Variants in DSCAM observed in about 807,000 individuals in gnomAD.
DSCAM encodes the protein cell adhesion molecule DSCAM.
A neutral mutation model predicts 217.7 loss-of-function variants in DSCAM; 47 were observed. The ratio of observed to expected loss-of-function variants is 0.22; its 90% CI spans 0.17 to 0.28. DSCAM has a LOEUF of 0.28. Among genes scored for constraint, DSCAM ranks in the 10% least tolerant of loss-of-function variants. DSCAM has a pLI of 1.00. For synonymous variants in DSCAM, 1,056 were observed against 1,015.3 expected (o/e 1.04, Z -0.76); for missense variants, 2,080 against 2,618.3 (o/e 0.79, Z 4.49).
intron 8 of DSCAM, among the ~76,000 whole-genome samples, chr21:40,337,150 A>G (rs1362705550): frequency 6.6e-6 from 1 of 152,156 alleles, no homozygotes; most frequent in Non-Finnish European, 1.5e-5. Flanking sequence ...TAAAACTCAC[A>G]GGGTTGGTGG....
rs55662580 is a variant in DSCAM at position 40,028,162 on chromosome 21, A to C, written c.5686+14209T>G. On this transcript the variant is annotated intron_variant, in intron 32 of 32. Coordinates refer to ENST00000400454, the MANE Select transcript of DSCAM (RefSeq NM_001389.5). ...CTGCCCCTGCTGGGGGGTGCCTCCC[A>C]GTTAGGCTGCTCGGGGGTCCGGGGT... is the stretch of plus-strand genomic sequence containing the variant. 4.4e-3 allele frequency among the ~76,000 whole-genome samples: 416 copies of C among 94,822 alleles called. 5 individuals are homozygous for C. Among genetic ancestry groups the C allele is most frequent in the Admixed American group, 0.013 (101 of 8,074 alleles). 62.2% of individuals were successfully genotyped at this position (94,822 alleles called of 152,430 possible).
chr21:40,713,969 C>T (rs2090812009), intron 1 of DSCAM, among the ~76,000 whole-genome samples: 1 of 152,178 alleles, frequency 6.6e-6, no homozygotes. Flanking sequence ...AGCCATGGCT[C>T]AAGTGGTCCC....
chr21:40,420,942 G>A (rs957945641), intron 3 of DSCAM, among the ~76,000 whole-genome samples: 4 of 152,084 alleles, frequency 2.6e-5, no homozygotes, highest in Admixed American at 6.6e-5. Context: ...CATTTCTTTC[G>A]CTGTAAGCCA....
At chr21:40,760,651 C>T (rs927001715) in intron 1 of DSCAM, among the ~76,000 whole-genome samples, 3 of 152,218 alleles carry the variant, frequency 2.0e-5, no homozygotes, top group African/African-American at 7.2e-5. Context: ...TGGCATTTTG[C>T]CACCCAGGTA....
chr21:40,013,384 C>G lies in DSCAM; in HGVS notation c.5689G>C (p.Asp1897His). ...MAVPKAHRPG[D>H]LIHLPPYLRM... ...AGGTATGGAGGCAAATGTATGAGGT[C>G]ACCTAGAAGGAAAGACAGGGTAGTT... Residue 1897 changes from aspartate (D) to histidine (H), a missense_variant and splice_region_variant, in exon 33 of 33, where the codon GAC becomes CAC. By Grantham distance (81) the Asp-to-His change is moderately conservative. Around this residue, in one of 5 missense-constraint regions of DSCAM, gnomAD observed 145 missense variants for 138.5 expected, o/e 1.05. Transcript: ENST00000400454. The G allele has an allele frequency of 6.5e-7, 1 of 1,541,550 alleles. No homozygotes were observed. The highest frequency in any genetic ancestry group is 8.7e-7 in the Non-Finnish European group (1 of 1,144,830).
chr21:40,394,107 T>C (rs1182866154), intron 3 of DSCAM, among the ~76,000 whole-genome samples: 1 of 152,212 alleles, frequency 6.6e-6, no homozygotes, highest in African/African-American at 2.4e-5. Flanking sequence ...TCAAGGCAGT[T>C]GTTGGGTGGT....
At chr21:40,425,814 TAC>T (rs1036247847) in intron 3 of DSCAM, among the ~76,000 whole-genome samples, 6 of 152,030 alleles carry the variant, frequency 3.9e-5, no homozygotes, top group Admixed American at 2.6e-4. Flanking sequence ...AGCATGTATA[TAC>T]ACACACACAT....
At position 40,688,294 on chromosome 21, in the gene DSCAM, G is replaced by A. The variant is rs79683100; in HGVS notation, c.508+4516C>T. On this transcript the variant is annotated intron_variant, in intron 3 of 32. Coordinates refer to ENST00000400454, the MANE Select transcript of DSCAM (RefSeq NM_001389.5). ...CAATTTTATCAGAAGAAACAGAAAC[G>A]GAAGGCTGGGCTCTCTTACTGCTGG... is the stretch of plus-strand genomic sequence containing the variant. Among the ~76,000 whole-genome samples the A allele has an allele frequency of 8.8e-3, 1,342 of 152,234 alleles. 20 individuals are homozygous for A. Among genetic ancestry groups the A allele is most frequent in the African/African-American group, 0.029 (1,184 of 41,522 alleles).
At chr21:40,293,813 A>G (rs2123440281) in intron 10 of DSCAM, among the ~76,000 whole-genome samples, 1 of 152,260 alleles carries the variant, frequency 6.6e-6, no homozygotes, top group South Asian at 2.1e-4. Flanking sequence ...CGACAGAGCA[A>G]GACTCTGTCT....
intron 32 of DSCAM, among the ~76,000 whole-genome samples, chr21:40,021,205 CAAAAAAAAA>C (rs763435750): frequency 1.2e-5 from 1 of 85,082 alleles, no homozygotes; most frequent in African/African-American, 4.7e-5. Flanking sequence ...GACTCCGTCT[CAAAAAAAAA>C]AAAAAAAAAA....
At chr21:40,727,449 G>A (rs2090968061) in intron 1 of DSCAM, among the ~76,000 whole-genome samples, 1 of 152,168 alleles carries the variant, frequency 6.6e-6, no homozygotes, top group African/African-American at 2.4e-5. Flanking sequence ...TAAAATATGA[G>A]AGTTTTAATC....
intron 11 of DSCAM, among the ~76,000 whole-genome samples, chr21:40,213,069 C>T (rs1422326340): frequency 2.6e-5 from 4 of 152,336 alleles, no homozygotes; most frequent in Non-Finnish European, 4.4e-5. Context: ...AGAGAAGAAA[C>T]GTCTGTTGTT....
chr21:40,725,871 G>A (rs183615667), intron 1 of DSCAM, among the ~76,000 whole-genome samples: 15 of 152,170 alleles, frequency 9.9e-5, no homozygotes, highest in East Asian at 3.9e-4. Context: ...ACAAGTAAAC[G>A]AGGACAATTT....
At chr21:40,408,055 T>C (rs1203869786) in intron 3 of DSCAM, among the ~76,000 whole-genome samples, 1 of 152,098 alleles carries the variant, frequency 6.6e-6, no homozygotes, top group Non-Finnish European at 1.5e-5. Context: ...TCACTGTGTT[T>C]TAACAACAGA....
intron 3 of DSCAM, among the ~76,000 whole-genome samples, chr21:40,556,833 G>A (rs775433047): frequency 4.6e-5 from 7 of 152,144 alleles, no homozygotes; most frequent in Admixed American, 6.5e-5. Context: ...ATCTCAACAT[G>A]AGGTTTGAAG....
intron 32 of DSCAM, among the ~76,000 whole-genome samples, 192 bp downstream of exon 32, chr21:40,042,179 A>C (rs2088763568): frequency 6.6e-6 from 1 of 152,188 alleles, no homozygotes. Context: ...CCCAAATTTC[A>C]GATTCATAAA....
At chr21:40,255,242 C>G (rs2073355148) in intron 11 of DSCAM, among the ~76,000 whole-genome samples, 1 of 152,138 alleles carries the variant, frequency 6.6e-6, no homozygotes, top group African/African-American at 2.4e-5. Flanking sequence ...GTGACTCAGA[C>G]AGCTCCCGCT....
chr21:40,187,053 G>A (rs1318190018), intron 14 of DSCAM, 78 bp downstream of exon 14: 2 of 1,566,626 alleles, frequency 1.3e-6, no homozygotes, highest in African/African-American at 1.4e-5. Flanking sequence ...TGCGCTTACA[G>A]GTAAAACACA....
At chr21:40,764,326 C>CA (rs143273195) in intron 1 of DSCAM, among the ~76,000 whole-genome samples, 2,042 of 126,016 alleles carry the variant, frequency 0.016, 15 homozygotes, top group Middle Eastern at 0.041. Context: ...TTTATGCCGC[C>CA]AAAAAAAAAA....
Sources: allele counts gnomAD v4.1 joint callset (sites outside exome capture counted in the v4.1 genomes callset), GRCh38; gene constraint gnomAD v4.1.1; regional missense constraint gnomAD v4.1.1; transcripts MANE v1.5; gene names NCBI Gene and HGNC (gene_info 2026-07-23, HGNC 2026-07-21).